USP15: variants seen among roughly 807,000 people sequenced by gnomAD.
The protein encoded by USP15 is ubiquitin carboxyl-terminal hydrolase 15.
In USP15, 18 loss-of-function variants were observed where a neutral mutation model predicts 127.1. The observed-to-expected ratio is 0.14, with a 90% CI of 0.10 to 0.21. USP15 has a LOEUF of 0.21. USP15 is among the 10% of genes least tolerant of loss of function. The pLI is 1.00. For missense variants in USP15, 805 were observed against 1,159.9 expected, an observed-to-expected ratio of 0.69 and a Z score of 4.44; for synonymous variants, 364 against 393.7, an observed-to-expected ratio of 0.92 and a Z score of 0.89.
At chr12:62,294,905 A>G (rs2064083121) in intron 2 of USP15, among the ~76,000 whole-genome samples, 2 of 152,188 alleles carry the variant, frequency 1.3e-5, no homozygotes, top group South Asian at 4.1e-4. Context: ...GCAACGGAAA[A>G]CAGTGATCCT....
chr12:62,344,679 C>T (rs1238917754), intron 6 of USP15, among the ~76,000 whole-genome samples: 2 of 152,200 alleles, frequency 1.3e-5, no homozygotes, highest in African/African-American at 2.4e-5. Flanking sequence ...ATGAGGACCC[C>T]GCCCCTACAG....
In USP15 at chr12:62,344,231, T is replaced by A. The variant is rs527562653; in HGVS notation, c.684-4990T>A. Among the ~76,000 whole-genome samples the A allele has an allele frequency of 5.3e-5, 8 of 152,292 alleles. No individual in the cohort carries two copies. The East Asian group carries it at 1.4e-3, about 26-fold the overall frequency. On this transcript the variant is annotated intron_variant, in intron 6 of 21. Transcript: ENST00000280377. ...AAAAACAAGTTAGTTACTTCCTAGA[T>A]ACAAGGAAGATACAGGCATTGGGTC...
rs1399696280 is a variant in USP15 at position 62,413,361 on chromosome 12, G to A, written c.*8986G>A. On this transcript the variant is annotated 3_prime_UTR_variant, in exon 22 of 22. Transcript: ENST00000280377. ...GCCCCTAACAAGAAATCAGTCTCTC[G>A]TTTGAAGCCAAGCATCAACTTTTCT... The A allele has an allele frequency of 6.6e-6, 1 of 152,142 alleles. No individual in the cohort carries two copies. The allele number at this position is 152,142 out of a possible 1,614,324, so 9.4% of individuals were successfully genotyped here. A position where few individuals can be genotyped will look rare whatever the true frequency, so the allele number is the denominator to read the frequency against.
At chr12:62,359,914 A>G (rs1012335186) in intron 8 of USP15, among the ~76,000 whole-genome samples, 7 of 152,090 alleles carry the variant, frequency 4.6e-5, no homozygotes, top group African/African-American at 1.7e-4. Context: ...TGGTTCAAAT[A>G]ATATAATAAG....
At chr12:62,283,465 T>G (rs796286591) in intron 1 of USP15, among the ~76,000 whole-genome samples, 16 of 152,276 alleles carry the variant, frequency 1.1e-4, no homozygotes, top group African/African-American at 3.6e-4. Flanking sequence ...CACCTATATT[T>G]TAGGAGCCCT....
At chr12:62,335,423 C>G in intron 6 of USP15, 1 of 1,376,698 alleles carries the variant, frequency 7.3e-7, no homozygotes, top group Non-Finnish European at 9.4e-7. Context: ...CTTTACCTGT[C>G]GACCACATCC....
At chr12:62,304,544 A>G (rs772226369) in intron 3 of USP15, 10 of 264,454 alleles carry the variant, frequency 3.8e-5, no homozygotes, top group Non-Finnish European at 6.2e-5. Context: ...TCTGAAGCCC[A>G]ACTTTCAATG....
chr12:62,360,947 C>G (rs969662456), intron 8 of USP15, among the ~76,000 whole-genome samples: 4 of 151,756 alleles, frequency 2.6e-5, no homozygotes, highest in African/African-American at 9.7e-5. Context: ...GGTCATCTAT[C>G]CATTTTGATA....
intron 1 of USP15, among the ~76,000 whole-genome samples, chr12:62,281,686 T>C (rs1210490953): frequency 6.6e-6 from 1 of 152,140 alleles, no homozygotes; most frequent in Non-Finnish European, 1.5e-5. Context: ...ACCATAAAAT[T>C]GTGTAGATAG....
chr12:62,290,017 G>T (rs972550659), intron 1 of USP15, among the ~76,000 whole-genome samples: 1 of 151,996 alleles, frequency 6.6e-6, no homozygotes, highest in Non-Finnish European at 1.5e-5. Flanking sequence ...TTTAAGACTT[G>T]TTTTGTGGCA....
intron 6 of USP15, chr12:62,334,228 A>G (rs898040622): frequency 1.3e-5 from 2 of 152,146 alleles, no homozygotes; most frequent in African/African-American, 2.4e-5. Context: ...TAAGTTTCTG[A>G]TATTAGGTAC....
intron 4 of USP15, among the ~76,000 whole-genome samples, chr12:62,319,281 C>T (rs1565850185): frequency 6.6e-6 from 1 of 152,148 alleles, no homozygotes; most frequent in Admixed American, 6.5e-5. Context: ...AAATCTGCCC[C>T]CATGATCCAG....
At chr12:62,280,163 A>G (rs2063608181) in intron 1 of USP15, among the ~76,000 whole-genome samples, 1 of 148,586 alleles carries the variant, frequency 6.7e-6, no homozygotes, top group South Asian at 2.1e-4. Context: ...TAATAAAGGT[A>G]ATAATTAACC....
At chr12:62,353,435 G>A (rs1405901460) in intron 7 of USP15, among the ~76,000 whole-genome samples, 8 of 151,970 alleles carry the variant, frequency 5.3e-5, no homozygotes, top group Non-Finnish European at 1.2e-4. Flanking sequence ...ATATACTTAT[G>A]GAATGAGCAT....
At chr12:62,267,488 A>G (rs1332088097) in intron 1 of USP15, among the ~76,000 whole-genome samples, 2 of 152,144 alleles carry the variant, frequency 1.3e-5, no homozygotes, top group African/African-American at 4.8e-5. Flanking sequence ...TGCCTTTACT[A>G]CTTCCATCAC....
intron 8 of USP15, among the ~76,000 whole-genome samples, chr12:62,362,596 G>A (rs118044261): frequency 0.064 from 9,737 of 152,136 alleles, 400 homozygotes; most frequent in Middle Eastern, 0.095. Flanking sequence ...TCAGAATATT[G>A]TAGATTATCA....
chr12:62,342,661 T>A (rs1450838811), intron 6 of USP15, among the ~76,000 whole-genome samples: 1 of 152,196 alleles, frequency 6.6e-6, no homozygotes. Context: ...GGGCCCCTCT[T>A]CTGCAGGTCT....
chr12:62,383,747 G>A, intron 9 of USP15, 93 bp from the exon 10 acceptor site: 2 of 1,334,092 alleles, frequency 1.5e-6, no homozygotes, highest in Non-Finnish European at 2.0e-6. Flanking sequence ...ATTCACAAAT[G>A]TGGAATCCAT....
At chr12:62,341,707 C>T (rs896718714) in intron 6 of USP15, among the ~76,000 whole-genome samples, 1 of 152,134 alleles carries the variant, frequency 6.6e-6, no homozygotes, top group Non-Finnish European at 1.5e-5. Flanking sequence ...AATATTGGCC[C>T]CCACTCTCTT....
Sources: gnomAD v4.1 joint callset for allele counts (sites outside exome capture counted in the v4.1 genomes callset) on GRCh38, gnomAD v4.1.1 for gene constraint, MANE v1.5 for transcripts, NCBI Gene and HGNC (gene_info 2026-07-23, HGNC 2026-07-21) for gene names.